The following FAF1 variants were observed in gnomAD, a reference collection of about 807,000 sequenced individuals.
The protein encoded by FAF1 is FAS-associated factor 1.
A neutral mutation model predicts 92.5 loss-of-function variants in FAF1; 25 were observed. That is an observed-to-expected ratio of 0.27 (90% CI 0.20 to 0.38). The LOEUF is 0.38. FAF1 is among the 10% of genes least tolerant of loss of function. The pLI is 1.00. For synonymous variants in FAF1, 234 were observed against 273.2 expected (o/e 0.86, Z 1.42); for missense variants, 636 against 793.3 (o/e 0.80, Z 2.38).
At chr1:50,897,212 A>G (rs1644764929) in intron 1 of FAF1, among the ~76,000 whole-genome samples, 1 of 152,196 alleles carries the variant, frequency 6.6e-6, no homozygotes, top group African/African-American at 2.4e-5. Flanking sequence ...GGAACACACA[A>G]TATTGTTTAG....
intron 15 of FAF1, among the ~76,000 whole-genome samples, chr1:50,514,829 C>T (rs1024531117): frequency 2.0e-5 from 3 of 152,144 alleles, no homozygotes; most frequent in African/African-American, 7.2e-5. Context: ...ATGAAACTGG[C>T]TAACTAGTGA....
intron 1 of FAF1, among the ~76,000 whole-genome samples, chr1:50,956,019 A>C (rs763691409): frequency 6.6e-6 from 1 of 152,228 alleles, no homozygotes; most frequent in Non-Finnish European, 1.5e-5. Context: ...TTGTTAAATA[A>C]GTACGGTAAC....
At chr1:50,675,105 G>A (rs1656063278) in intron 7 of FAF1, among the ~76,000 whole-genome samples, 1 of 152,110 alleles carries the variant, frequency 6.6e-6, no homozygotes. Flanking sequence ...TGGCCAGGCT[G>A]GTCTCAAACT....
chr1:50,945,491 T>C lies in FAF1; in HGVS notation c.45+14276A>G, dbSNP rs548834522. ...AAGTCTGGCATGTAATGGCACCCTC[T>C]GTGTCACAGTCCTTTGCTTTGTGTT... On this transcript the variant is annotated intron_variant, in intron 1 of 18. Coordinates refer to ENST00000396153, the MANE Select transcript of FAF1 (RefSeq NM_007051.3). Among the ~76,000 whole-genome samples the C allele has an allele frequency of 3.5e-4, 53 of 152,354 alleles. 1 individual carries two copies. The South Asian group carries it at 9.7e-3, about 28-fold the overall frequency.
chr1:50,870,153 T>C (rs909420762), intron 1 of FAF1, among the ~76,000 whole-genome samples: 1 of 152,210 alleles, frequency 6.6e-6, no homozygotes, highest in Admixed American at 6.5e-5. Context: ...GTGAAGATAT[T>C]GCATTTTTAA....
intron 18 of FAF1, among the ~76,000 whole-genome samples, chr1:50,451,174 G>A (rs1011629439): frequency 2.2e-4 from 33 of 152,162 alleles, no homozygotes; most frequent in Non-Finnish European, 4.6e-4. Flanking sequence ...CTTTGATGAC[G>A]TTTTTAAGGT....
chr1:50,606,340 G>A (rs568568507), intron 8 of FAF1, among the ~76,000 whole-genome samples: 7 of 151,966 alleles, frequency 4.6e-5, no homozygotes, highest in African/African-American at 1.7e-4. Flanking sequence ...AAATGATGCC[G>A]ACCAATGTTA....
chr1:50,639,070 C>A (rs1654198226), intron 8 of FAF1, among the ~76,000 whole-genome samples: 1 of 152,208 alleles, frequency 6.6e-6, no homozygotes, highest in African/African-American at 2.4e-5. Flanking sequence ...TGTGGAATCA[C>A]ACAGTGATGT....
intron 7 of FAF1, among the ~76,000 whole-genome samples, chr1:50,702,884 T>C (rs1657530681): frequency 6.6e-6 from 1 of 152,154 alleles, no homozygotes; most frequent in Non-Finnish European, 1.5e-5. Flanking sequence ...AAATGTACTT[T>C]GTTCTAATTA....
intron 7 of FAF1, among the ~76,000 whole-genome samples, chr1:50,674,537 C>G (rs1365244657): frequency 6.6e-6 from 1 of 152,276 alleles, no homozygotes; most frequent in South Asian, 2.1e-4. Flanking sequence ...AGATACCTTG[C>G]CTTCAAACAC....
intron 1 of FAF1, among the ~76,000 whole-genome samples, chr1:50,886,469 G>A (rs1399907677): frequency 6.6e-6 from 1 of 152,060 alleles, no homozygotes; most frequent in Non-Finnish European, 1.5e-5. Flanking sequence ...ATGTTTGTGT[G>A]CTGCACCCAC....
chr1:50,803,115 A>G (rs1458407037), intron 2 of FAF1, among the ~76,000 whole-genome samples: 1 of 152,230 alleles, frequency 6.6e-6, no homozygotes, highest in Non-Finnish European at 1.5e-5. Flanking sequence ...TCAGTTTTCA[A>G]AGACACAAAT....
chr1:50,939,845 A>G (rs1390368014), intron 1 of FAF1, among the ~76,000 whole-genome samples: 1 of 152,184 alleles, frequency 6.6e-6, no homozygotes, highest in Non-Finnish European at 1.5e-5. Context: ...GTCATTTTGA[A>G]GTAAATTCTA....
chr1:50,907,533 A>G (rs1644849948), intron 1 of FAF1, among the ~76,000 whole-genome samples: 1 of 152,280 alleles, frequency 6.6e-6, no homozygotes, highest in Admixed American at 6.5e-5. Flanking sequence ...TTGGTAGGCT[A>G]TTAATTATTG....
At chr1:50,442,409 A>G (rs1240531870) in intron 18 of FAF1, among the ~76,000 whole-genome samples, 1 of 152,246 alleles carries the variant, frequency 6.6e-6, no homozygotes, top group Non-Finnish European at 1.5e-5. Context: ...TGGAGTTAGT[A>G]TCAATCTTGC....
At chr1:50,670,923 G>C (rs1465757876) in intron 7 of FAF1, among the ~76,000 whole-genome samples, 1 of 151,390 alleles carries the variant, frequency 6.6e-6, no homozygotes, top group Non-Finnish European at 1.5e-5. Context: ...GAGTAAGACT[G>C]CCTCAAATAC....
Position 50,539,605 on chromosome 1 carries a change from C to A in FAF1, c.1392G>T (p.Leu464Phe). ...CATGTACTTTACCTTGTATCACATTCAACACTTCATTAGATGATCGCTTTC... is the reference window on the plus strand; with the variant it reads ...CATGTACTTTACCTTGTATCACATTAAACACTTCATTAGATGATCGCTTTC... ...IMGKRSSNEV[L>F]NVIQGNTTVD... The change falls in exon 14 of 19, where the codon TTG becomes TTT. Residue 464 changes from leucine to phenylalanine, a missense_variant. Leu to Phe is a conservative substitution (Grantham distance 22). Transcript: ENST00000396153. The A allele has an allele frequency of 6.2e-7, 1 of 1,612,700 alleles. No individual in the cohort carries two copies. Among genetic ancestry groups the A allele is most frequent in the Non-Finnish European group, 8.5e-7 (1 of 1,179,168 alleles).
chr1:50,826,347 T>A (rs1267113767), intron 2 of FAF1, among the ~76,000 whole-genome samples: 2 of 151,882 alleles, frequency 1.3e-5, no homozygotes, highest in Admixed American at 6.6e-5. Context: ...GATCTGGAGT[T>A]CAAGACCAGC....
At chr1:50,747,872 CCT>C (rs1659690859) in intron 4 of FAF1, among the ~76,000 whole-genome samples, 1 of 152,022 alleles carries the variant, frequency 6.6e-6, no homozygotes, top group African/African-American at 2.4e-5. Flanking sequence ...TGCCACCTCC[CCT>C]CTCTCTCTTC....
Sources: gnomAD v4.1 joint callset for allele counts (sites outside exome capture counted in the v4.1 genomes callset) on GRCh38, gnomAD v4.1.1 for gene constraint, MANE v1.5 for transcripts, NCBI Gene and HGNC (gene_info 2026-07-23, HGNC 2026-07-21) for gene names.